Variants in KCNA1 observed in about 807,000 individuals in gnomAD.
KCNA1 encodes potassium channel, voltage gated shaker related subfamily A, member 1.
A neutral mutation model predicts 28.8 loss-of-function variants in KCNA1; 19 were observed. The ratio of observed to expected loss-of-function variants is 0.66; its 90% CI spans 0.46 to 0.97. The LOEUF is 0.97. KCNA1 is among the 50% of genes least tolerant of loss of function. KCNA1 has a pLI of 0.00. For missense variants in KCNA1, 419 were observed against 659.7 expected, an observed-to-expected ratio of 0.64 and a Z score of 4.00; for synonymous variants, 311 against 268.8, an observed-to-expected ratio of 1.16 and a Z score of -1.53.
In KCNA1 at chr12:4,913,060, A is replaced by G; in HGVS notation, c.*194A>G. 3.2e-6 allele frequency: 2 copies of G among 620,968 alleles called. No individual in the cohort carries two copies. Among genetic ancestry groups the G allele is most frequent in the South Asian group, 2.0e-5 (1 of 50,526 alleles). 38.5% of individuals were successfully genotyped at this position (620,968 alleles called of 1,614,324 possible). ...GGTGAACCAGAAGCTTTCAAGATCC[A>G]TGACAAAATAAACTATTTTCCTTTT... is the stretch of plus-strand genomic sequence containing the variant. On this transcript the variant is annotated 3_prime_UTR_variant, in exon 2 of 2. Coordinates refer to ENST00000382545, the MANE Select transcript of KCNA1 (RefSeq NM_000217.3).
chr12:4,914,420 T>C lies in KCNA1; in HGVS notation c.*1554T>C, dbSNP rs1947371908. 1 of 166,936 alleles carries C rather than the reference T, an allele frequency of 6.0e-6. No individual in the cohort carries two copies. Among genetic ancestry groups the C allele is most frequent in the Admixed American group, 6.5e-5 (1 of 15,282 alleles). The allele number at this position is 166,936 out of a possible 1,614,324, so 10.3% of individuals were successfully genotyped here. A position where few individuals can be genotyped will look rare whatever the true frequency, so the allele number is the denominator to read the frequency against. Reference sequence around the variant, plus strand: ...ATGCATCCGAAGCAGAGCTGATTTTTTTTTCTTTGCAGTCATTCTTTGAAG... The same window carrying C: ...ATGCATCCGAAGCAGAGCTGATTTTCTTTTCTTTGCAGTCATTCTTTGAAG... On this transcript the variant is annotated 3_prime_UTR_variant, in exon 2 of 2. Transcript: ENST00000382545.
rs1017845807 is a variant in KCNA1 at position 4,913,526 on chromosome 12, T to C, written c.*660T>C. 6.0e-6 allele frequency: 1 copy of C among 167,560 alleles called. No individual in the cohort carries two copies. Among genetic ancestry groups the C allele is most frequent in the African/African-American group, 2.4e-5 (1 of 41,488 alleles). The allele number at this position is 167,560 out of a possible 1,614,324, so 10.4% of individuals were successfully genotyped here. The stretch of plus-strand genomic sequence containing the variant: ...TTTCCCCCTGGGCCCATTCTCTTTC[T>C]AATCCAGATTATTCTCTAAGAAAAA... On this transcript the variant is annotated 3_prime_UTR_variant, in exon 2 of 2. Coordinates refer to ENST00000382545, the MANE Select transcript of KCNA1 (RefSeq NM_000217.3).
Position 4,911,285 on chromosome 12 carries a change from G to T in KCNA1, c.-94G>T. 1.1e-6 allele frequency: 1 copy of T among 944,482 alleles called. No homozygotes were observed. Among genetic ancestry groups the T allele is most frequent in the East Asian group, 2.6e-5 (1 of 38,910 alleles). 58.5% of individuals were successfully genotyped at this position (944,482 alleles called of 1,614,324 possible). A position where few individuals can be genotyped will look rare whatever the true frequency, so the allele number is the denominator to read the frequency against. On this transcript the variant is annotated 5_prime_UTR_variant, in exon 2 of 2. Transcript: ENST00000382545. The surrounding 1 kb of genome is among the most constrained non-coding windows in gnomAD (Gnocchi z 6.6). ...CGTGAGGGAGACGCGCGCTCCGGTG[G>T]GGGGGCCGCTTGGGTCCCCCCCACC...
chr12:4,912,065 C>T lies in KCNA1; in HGVS notation c.687C>T (p.Ile229=), dbSNP rs754778573. ...DPFFIVETLC[I]IWFSFELVVR... Reference sequence around the variant, plus strand: ...TCTTCATCGTGGAAACGCTGTGTATCATCTGGTTCTCCTTCGAGCTGGTGG... The same window carrying T: ...TCTTCATCGTGGAAACGCTGTGTATTATCTGGTTCTCCTTCGAGCTGGTGG... Residue 229 remains isoleucine (I), a synonymous_variant, in exon 2 of 2, where the codon ATC becomes ATT. Transcript: ENST00000382545. 4 of 1,614,058 alleles carry T rather than the reference C, an allele frequency of 2.5e-6. No individual in the cohort carries two copies. The highest frequency in any genetic ancestry group is 2.5e-6 in the Non-Finnish European group (3 of 1,180,050).
In KCNA1 at chr12:4,912,262, G is replaced by T. The variant is rs778463081; in HGVS notation, c.884G>T (p.Arg295Leu). Reference sequence around the variant, plus strand: ...TCCCTGGCCATCCTCAGGGTCATCCGCTTGGTAAGGGTTTTTAGAATCTTC... The same window carrying T: ...TCCCTGGCCATCCTCAGGGTCATCCTCTTGGTAAGGGTTTTTAGAATCTTC... The part of the protein sequence containing the change: ...ATSLAILRVI[R>L]LVRVFRIFKL... The change falls in exon 2 of 2, where the codon CGC becomes CTC. Residue 295 changes from arginine to leucine, a missense_variant. Coordinates refer to ENST00000382545, the MANE Select transcript of KCNA1 (RefSeq NM_000217.3). 1 of 1,612,036 alleles carries T rather than the reference G, an allele frequency of 6.2e-7. No individual in the cohort carries two copies. Among genetic ancestry groups the T allele is most frequent in the Non-Finnish European group, 8.5e-7 (1 of 1,179,730 alleles).
In KCNA1 at chr12:4,915,788, GATGGATGGGTTA is replaced by G. The variant is rs1249941470; in HGVS notation, c.*2930_*2941del. ...AGCAATAATCCACTCAGTACTGTGG[GATGGATGGGTTA>G]ATGGATGAGAAAACGGCACCAAGAC... On this transcript the variant is annotated 3_prime_UTR_variant, in exon 2 of 2. Transcript: ENST00000382545. 12 of 167,180 alleles carry G rather than the reference GATGGATGGGTTA, an allele frequency of 7.2e-5. No individual in the cohort carries two copies. 10.4% of individuals were successfully genotyped at this position (167,180 alleles called of 1,614,324 possible).
rs1268848627 is a variant in KCNA1 at position 4,915,058 on chromosome 12, C to A, written c.*2192C>A. On this transcript the variant is annotated 3_prime_UTR_variant, in exon 2 of 2. Transcript: ENST00000382545. ...TCCTAGGCCTTCCCTCCTGGTCTAC[C>A]CCTTTCAGATATTTCCTGATGCCCC... is the stretch of plus-strand genomic sequence containing the variant. The A allele has an allele frequency of 1.2e-5, 2 of 167,200 alleles. No homozygotes were observed. The highest frequency in any genetic ancestry group is 1.9e-4 in the East Asian group (1 of 5,196). 10.4% of individuals were successfully genotyped at this position (167,200 alleles called of 1,614,324 possible).
In KCNA1 at chr12:4,912,809, T is replaced by C. The variant is rs2137674292; in HGVS notation, c.1431T>C (p.Asn477=). 6.2e-7 allele frequency: 1 copy of C among 1,614,116 alleles called. No homozygotes were observed. The highest frequency in any genetic ancestry group is 1.3e-5 in the African/African-American group (1 of 75,022). ...HYRQVNIRTA[N]CTTANQNCVN... ...GACAGGTCAATATCAGAACTGCCAA[T>C]TGCACCACTGCTAACCAAAACTGCG... is the stretch of plus-strand genomic sequence containing the variant. Residue 477 remains asparagine, a synonymous_variant, in exon 2 of 2, where the codon AAT becomes AAC. Transcript: ENST00000382545.
chr12:4,913,694 T>C lies in KCNA1; in HGVS notation c.*828T>C, dbSNP rs1656451522. The C allele has an allele frequency of 6.0e-6, 1 of 167,118 alleles. No homozygotes were observed. 10.4% of individuals were successfully genotyped at this position (167,118 alleles called of 1,614,324 possible). A position where few individuals can be genotyped will look rare whatever the true frequency, so the allele number is the denominator to read the frequency against. On this transcript the variant is annotated 3_prime_UTR_variant, in exon 2 of 2. Coordinates refer to ENST00000382545, the MANE Select transcript of KCNA1 (RefSeq NM_000217.3). ...ACTGGATGTAAAACCTTAGCCTCCT[T>C]ATTGCAAGAGAGCACAAATGAAGTT...
In KCNA1 at chr12:4,917,649, A is replaced by G. The variant is rs1288690851; in HGVS notation, c.*4783A>G. 6.0e-6 allele frequency: 1 copy of G among 167,060 alleles called. No individual in the cohort carries two copies. Among genetic ancestry groups the G allele is most frequent in the Non-Finnish European group, 1.5e-5 (1 of 68,128 alleles). The allele number at this position is 167,060 out of a possible 1,614,324, so 10.3% of individuals were successfully genotyped here. On this transcript the variant is annotated 3_prime_UTR_variant, in exon 2 of 2. Coordinates refer to ENST00000382545, the MANE Select transcript of KCNA1 (RefSeq NM_000217.3). ...CTAGTCACAGTGATTTTCATTTAGG[A>G]GCTAACTAGGAGTTTACTCTTTATG...
At position 4,911,068 on chromosome 12, in the gene KCNA1, G is replaced by A. The variant is rs569495059; in HGVS notation, c.-311G>A. The A allele has an allele frequency of 4.2e-5, 20 of 479,022 alleles. No individual in the cohort carries two copies. The highest frequency in any genetic ancestry group is 3.7e-4 in the African/African-American group (19 of 51,230). The allele number at this position is 479,022 out of a possible 1,614,324, so 29.7% of individuals were successfully genotyped here. A position where few individuals can be genotyped will look rare whatever the true frequency, so the allele number is the denominator to read the frequency against. The stretch of plus-strand genomic sequence containing the variant: ...GCGTTAAGGCACCTGGGATCAGGAA[G>A]AAATATCTAAACAACAACAACAGAA... On this transcript the variant is annotated 5_prime_UTR_variant, in exon 2 of 2. Transcript: ENST00000382545. The surrounding 1 kb of genome is among the most constrained non-coding windows in gnomAD (Gnocchi z 6.6).
rs1947359738 is a variant in KCNA1, at chr12:4,912,703, G to C, written c.1325G>C (p.Ser442Thr). The C allele has an allele frequency of 1.9e-6, 3 of 1,613,098 alleles. No homozygotes were observed. In the South Asian group the frequency reaches 3.3e-5, roughly 18 times the overall value. The change falls in exon 2 of 2, where the codon AGT becomes ACT. Residue 442 changes from serine to threonine, a missense_variant. Ser to Thr is a moderately conservative substitution (Grantham distance 58). Around this residue, in one of 4 missense-constraint regions of KCNA1, gnomAD observed 81 missense variants for 86.5 expected, o/e 0.94. Coordinates refer to ENST00000382545, the MANE Select transcript of KCNA1 (RefSeq NM_000217.3). ...SPNLASDSDL[S>T]RRSSSTMSKS... The stretch of plus-strand genomic sequence containing the variant: ...AACTTAGCCTCTGACAGTGACCTCA[G>C]TCGCCGCAGTTCCTCTACTATGAGC...
rs1165081509 is a variant in KCNA1, at chr12:4,917,629, C to T, written c.*4763C>T. Reference sequence around the variant, plus strand: ...TCGCTTTAAGGAGATTAACCCTAGTCACAGTGATTTTCATTTAGGAGCTAA... The same window carrying T: ...TCGCTTTAAGGAGATTAACCCTAGTTACAGTGATTTTCATTTAGGAGCTAA... On this transcript the variant is annotated 3_prime_UTR_variant, in exon 2 of 2. Transcript: ENST00000382545. The T allele has an allele frequency of 6.0e-6, 1 of 167,044 alleles. No homozygotes were observed. Among genetic ancestry groups the T allele is most frequent in the Non-Finnish European group, 1.5e-5 (1 of 68,130 alleles). The allele number at this position is 167,044 out of a possible 1,614,324, so 10.3% of individuals were successfully genotyped here.
chr12:4,912,516 C>T lies in KCNA1; in HGVS notation c.1138C>T (p.Pro380Ser). 6.2e-7 allele frequency: 1 copy of T among 1,613,728 alleles called. No homozygotes were observed. The highest frequency in any genetic ancestry group is 8.5e-7 in the Non-Finnish European group (1 of 1,179,970). The change falls in exon 2 of 2, where the codon CCT becomes TCT. Residue 380 changes from proline (P) to serine (S), a missense_variant. Physicochemically the swap from Pro to Ser is moderately conservative, Grantham distance 74. This residue lies in a region of KCNA1 where 54 missense variants were observed against 186.4 expected (regional missense o/e 0.29). Transcript: ENST00000382545. The part of the protein sequence containing the change: ...MTTVGYGDMY[P>S]VTIGGKIVGS... ...CACTGTAGGATACGGTGACATGTACCCTGTGACAATTGGAGGCAAGATCGT... is the reference window on the plus strand; with the variant it reads ...CACTGTAGGATACGGTGACATGTACTCTGTGACAATTGGAGGCAAGATCGT...
chr12:4,913,305 T>A lies in KCNA1; in HGVS notation c.*439T>A. 3.9e-6 allele frequency: 1 copy of A among 258,822 alleles called. No homozygotes were observed. Among genetic ancestry groups the A allele is most frequent in the Non-Finnish European group, 8.0e-6 (1 of 124,632 alleles). 16.0% of individuals were successfully genotyped at this position (258,822 alleles called of 1,614,324 possible). On this transcript the variant is annotated 3_prime_UTR_variant, in exon 2 of 2. Transcript: ENST00000382545. ...ACTCCAGTAAAACATCTTTGCAAACTGCGTAGCACATTGAAGACAGTGCAT... is the reference window on the plus strand; with the variant it reads ...ACTCCAGTAAAACATCTTTGCAAACAGCGTAGCACATTGAAGACAGTGCAT...
rs1947383715 is a variant in KCNA1, at chr12:4,916,006, T to C, written c.*3140T>C. 1 of 167,094 alleles carries C rather than the reference T, an allele frequency of 6.0e-6. No homozygotes were observed. Among genetic ancestry groups the C allele is most frequent in the African/African-American group, 2.4e-5 (1 of 41,456 alleles). 10.4% of individuals were successfully genotyped at this position (167,094 alleles called of 1,614,324 possible). ...GAATGCTGCTTAGCTCATCTGTAGC[T>C]CATTGCAATGAATTCAGTAAGAATG... On this transcript the variant is annotated 3_prime_UTR_variant, in exon 2 of 2. Transcript: ENST00000382545.
At position 4,911,729 on chromosome 12, in the gene KCNA1, C is replaced by G; in HGVS notation, c.351C>G (p.Ile117Met). Residue 117 changes from isoleucine (I) to methionine (M), a missense_variant, in exon 2 of 2, where the codon ATC becomes ATG. Around this residue, in one of 4 missense-constraint regions of KCNA1, gnomAD observed 217 missense variants for 329.6 expected, o/e 0.66. Transcript: ENST00000382545. The surrounding 1 kb of genome is among the most constrained non-coding windows in gnomAD (Gnocchi z 6.6). ...CCCTGGACATGTTCTCCGAGGAGAT[C>G]AAGTTTTACGAGTTGGGCGAGGAGG... ...NVPLDMFSEE[I>M]KFYELGEEAM... 6.2e-7 allele frequency: 1 copy of G among 1,614,140 alleles called. No homozygotes were observed. Among genetic ancestry groups the G allele is most frequent in the Non-Finnish European group, 8.5e-7 (1 of 1,180,026 alleles).
Position 4,910,518 on chromosome 12 carries a change from G to C in KCNA1, c.-540+46G>C, listed in dbSNP as rs1397966870. 1 of 145,984 alleles carries C rather than the reference G, an allele frequency of 6.9e-6. No homozygotes were observed. The highest frequency in any genetic ancestry group is 1.5e-5 in the Non-Finnish European group (1 of 66,352). 9.0% of individuals were successfully genotyped at this position (145,984 alleles called of 1,614,324 possible). A position where few individuals can be genotyped will look rare whatever the true frequency, so the allele number is the denominator to read the frequency against. ...GGGATGCAGAAGCGGGGGTTGGGGG[G>C]ACCGGGTGGGGGAGGCCGGGGGTGC... On this transcript the variant is annotated intron_variant, in intron 1 of 1. Transcript: ENST00000382545. This position sits in a 1 kb window ranked among gnomAD's most constrained non-coding sequence, Gnocchi z 4.9.
In KCNA1 at chr12:4,910,675, G is replaced by A. The variant is rs1030304167; in HGVS notation, c.-539-165G>A. Among the ~76,000 whole-genome samples the A allele has an allele frequency of 6.6e-6, 1 of 152,188 alleles. No homozygotes were observed. The highest frequency in any genetic ancestry group is 1.5e-5 in the Non-Finnish European group (1 of 68,028). On this transcript the variant is annotated intron_variant, in intron 1 of 1. Transcript: ENST00000382545. The surrounding 1 kb of genome is among the most constrained non-coding windows in gnomAD (Gnocchi z 4.9). ...GTGGGATGGAAGAGCCCCAAACTTG[G>A]ATTTCCGGGTGTCTGCGTGTCGTCT...
Sources: allele counts gnomAD v4.1 joint callset (sites outside exome capture counted in the v4.1 genomes callset), GRCh38; gene constraint gnomAD v4.1.1; regional missense constraint gnomAD v4.1.1; non-coding constraint Gnocchi (gnomAD v3.1); transcripts MANE v1.5; gene names NCBI Gene and HGNC (gene_info 2026-07-23, HGNC 2026-07-21).